SGCZ: variants seen among roughly 807,000 people sequenced by gnomAD.
SGCZ encodes zeta-sarcoglycan.
A neutral mutation model predicts 41.3 loss-of-function variants in SGCZ; 40 were observed. The ratio of observed to expected loss-of-function variants is 0.97; its 90% confidence interval spans 0.75 to 1.26. The LOEUF (loss-of-function observed/expected upper bound fraction) is 1.26, where lower values mean the gene tolerates loss of function less well. SGCZ is among the 50% of genes most tolerant of loss of function. The probability of loss-of-function intolerance (pLI) is 0.00; values close to 1 mark genes in which losing one functional copy is unlikely to be tolerated. For synonymous variants in SGCZ, 206 were observed against 137.5 expected (o/e 1.50, Z -3.49); for missense variants, 552 against 369.8 (o/e 1.49, Z -4.04).
In SGCZ at chr8:14,582,778, G is replaced by A. The variant is rs913676600; in HGVS notation, c.40-27852C>T. Among the ~76,000 whole-genome samples the A allele has an allele frequency of 6.7e-5, 10 of 150,042 alleles. 1 individual carries two copies. The highest frequency in any genetic ancestry group is 2.5e-4 in the African/African-American group (10 of 40,704). The stretch of plus-strand genomic sequence containing the variant: ...GTGGTGTTTGGTTTTTTGTCCTTGC[G>A]ATAGTTTACTGAGAATGATGATTTC... On this transcript the variant is annotated intron_variant, in intron 1 of 7. Coordinates refer to ENST00000382080, the MANE Select transcript of SGCZ (RefSeq NM_139167.4).
At chr8:14,403,949 G>A (rs182711088) in intron 2 of SGCZ, among the ~76,000 whole-genome samples, 1 of 152,174 alleles carries the variant, frequency 6.6e-6, no homozygotes, top group African/African-American at 2.4e-5. Context: ...TAATTTGAAG[G>A]AAGAGAAATG....
chr8:14,868,697 T>A (rs951503778), intron 1 of SGCZ, among the ~76,000 whole-genome samples: 1 of 152,168 alleles, frequency 6.6e-6, no homozygotes, highest in Non-Finnish European at 1.5e-5. Context: ...CTATAATAAA[T>A]GTAATCTGCT....
At chr8:14,677,783 CATAA>C (rs531238378) in intron 1 of SGCZ, among the ~76,000 whole-genome samples, 4 of 151,752 alleles carry the variant, frequency 2.6e-5, no homozygotes, top group African/African-American at 4.8e-5. Context: ...TAAATAAATA[CATAA>C]ATAAATAAAT....
intron 1 of SGCZ, among the ~76,000 whole-genome samples, chr8:15,126,223 A>G (rs1807675362): frequency 6.6e-6 from 1 of 152,240 alleles, no homozygotes. Context: ...TAGTATCACA[A>G]TGATTAATGC....
intron 1 of SGCZ, among the ~76,000 whole-genome samples, chr8:15,141,119 A>G (rs1294200901): frequency 2.0e-5 from 3 of 152,230 alleles, no homozygotes. Flanking sequence ...TCTTATGTCT[A>G]AAATCTTTCT....
At chr8:14,581,377 G>C (rs895205170) in intron 1 of SGCZ, among the ~76,000 whole-genome samples, 1 of 151,902 alleles carries the variant, frequency 6.6e-6, no homozygotes, top group African/African-American at 2.4e-5. Context: ...AAAATGCTGG[G>C]AATACAGGCA....
chr8:14,347,514 T>G (rs777203205), intron 2 of SGCZ, among the ~76,000 whole-genome samples: 3 of 151,962 alleles, frequency 2.0e-5, no homozygotes, highest in Non-Finnish European at 4.4e-5. Context: ...CATTAAAATT[T>G]TATGTTTTGT....
At chr8:15,093,918 C>T (rs868808508) in intron 1 of SGCZ, among the ~76,000 whole-genome samples, 4 of 152,052 alleles carry the variant, frequency 2.6e-5, no homozygotes, top group African/African-American at 4.8e-5. Flanking sequence ...TTTCTACAGC[C>T]GGGTTCTTCT....
At chr8:15,121,535 C>T (rs1042606937) in intron 1 of SGCZ, among the ~76,000 whole-genome samples, 3 of 152,116 alleles carry the variant, frequency 2.0e-5, no homozygotes, top group African/African-American at 7.2e-5. Context: ...TTACAGTAGT[C>T]TAGTTGTTGA....
chr8:14,759,471 T>C (rs1480900298), intron 1 of SGCZ, among the ~76,000 whole-genome samples: 1 of 152,240 alleles, frequency 6.6e-6, no homozygotes, highest in Non-Finnish European at 1.5e-5. Flanking sequence ...TTGTACACTT[T>C]TGGAAAGACA....
intron 1 of SGCZ, among the ~76,000 whole-genome samples, chr8:14,674,799 C>A (rs950000632): frequency 1.3e-5 from 2 of 151,860 alleles, no homozygotes; most frequent in African/African-American, 4.8e-5. Flanking sequence ...CCTCCTCCTG[C>A]TTTTGCCATG....
chr8:14,592,859 C>T (rs1206405804), intron 1 of SGCZ, among the ~76,000 whole-genome samples: 1 of 152,136 alleles, frequency 6.6e-6, no homozygotes, highest in Non-Finnish European at 1.5e-5. Flanking sequence ...AGAAGACAAA[C>T]AATTACAGTA....
At chr8:14,910,521 A>G (rs1563356781) in intron 1 of SGCZ, among the ~76,000 whole-genome samples, 1 of 151,956 alleles carries the variant, frequency 6.6e-6, no homozygotes, top group Non-Finnish European at 1.5e-5. Flanking sequence ...TGTTAAAAAC[A>G]TTCCCAAAAT....
At chr8:14,519,680 T>C (rs1802731849) in intron 2 of SGCZ, among the ~76,000 whole-genome samples, 1 of 152,128 alleles carries the variant, frequency 6.6e-6, no homozygotes, top group African/African-American at 2.4e-5. Context: ...GAAAACTCAG[T>C]CTCGGCTGTT....
chr8:15,023,277 C>T (rs994138838), intron 1 of SGCZ, among the ~76,000 whole-genome samples: 1 of 152,166 alleles, frequency 6.6e-6, no homozygotes, highest in African/African-American at 2.4e-5. Flanking sequence ...GGCTCTTGAG[C>T]TTTCCCCAGC....
intron 2 of SGCZ, among the ~76,000 whole-genome samples, chr8:14,432,988 GAAACA>G (rs796672242): frequency 1.1e-4 from 16 of 146,434 alleles, no homozygotes; most frequent in African/African-American, 2.5e-4. Context: ...ATAACCTATG[GAAACA>G]AAACAAAACT....
intron 1 of SGCZ, among the ~76,000 whole-genome samples, chr8:14,843,040 C>A (rs560354439): frequency 6.6e-6 from 1 of 152,254 alleles, no homozygotes; most frequent in East Asian, 1.9e-4. Flanking sequence ...TGGTGAAACC[C>A]CATCTCTACT....
chr8:14,898,348 T>C (rs1280479670), intron 1 of SGCZ, among the ~76,000 whole-genome samples: 1 of 152,144 alleles, frequency 6.6e-6, no homozygotes, highest in African/African-American at 2.4e-5. Flanking sequence ...TGTGCCAGGG[T>C]GCAGCGATGT....
intron 5 of SGCZ, among the ~76,000 whole-genome samples, chr8:14,148,948 T>C (rs1034983280): frequency 9.9e-5 from 15 of 152,088 alleles, no homozygotes; most frequent in Non-Finnish European, 2.1e-4. Flanking sequence ...CATGATCCTA[T>C]CAATAGATGC....
Sources: gnomAD v4.1 joint callset for allele counts (sites outside exome capture counted in the v4.1 genomes callset) on GRCh38, gnomAD v4.1.1 for gene constraint, MANE v1.5 for transcripts, NCBI Gene and HGNC (gene_info 2026-07-23, HGNC 2026-07-21) for gene names.